The following TRAPPC9 variants were observed in gnomAD, a reference collection of about 807,000 sequenced individuals.
TRAPPC9 encodes the protein trafficking protein particle complex subunit 9, also known as IKK2 binding protein.
In TRAPPC9, 83 loss-of-function variants were observed where a neutral mutation model predicts 124.0. That is an observed-to-expected ratio of 0.67 (90% confidence interval 0.56 to 0.80). The LOEUF is 0.80. TRAPPC9 is among the 30% of genes least tolerant of loss of function. The pLI is 0.00. For missense variants in TRAPPC9, 1,302 were observed against 1,508.3 expected (o/e 0.86, Z 2.27); for synonymous variants, 638 against 617.5 (o/e 1.03, Z -0.49).
chr8:139,925,329 T>C lies in TRAPPC9; in HGVS notation c.2811-15029A>G, dbSNP rs547182461. 3.4e-3 allele frequency among the ~76,000 whole-genome samples: 521 copies of C among 152,058 alleles called. 1 individual carries two copies. The highest frequency in any genetic ancestry group is 0.011 in the African/African-American group (470 of 41,472). ...GGTGGAGTCTTTGTAGGCTGCAGAG[T>C]TGCATATGGAGGTGGGGGAATCTTA... is the stretch of plus-strand genomic sequence containing the variant. On this transcript the variant is annotated intron_variant, in intron 19 of 22. Coordinates refer to ENST00000438773, the MANE Select transcript of TRAPPC9 (RefSeq NM_001160372.4).
chr8:139,760,340 G>A (rs926339943), intron 21 of TRAPPC9, among the ~76,000 whole-genome samples: 2 of 152,124 alleles, frequency 1.3e-5, no homozygotes, highest in African/African-American at 4.8e-5. Context: ...GCCCACCCTG[G>A]GGAGTGGGAA....
intron 21 of TRAPPC9, among the ~76,000 whole-genome samples, chr8:139,844,335 G>A (rs1472183739): frequency 1.3e-5 from 2 of 152,220 alleles, no homozygotes; most frequent in African/African-American, 4.8e-5. Context: ...GGCAGGAGAA[G>A]GGGGTCAAAC....
intron 16 of TRAPPC9, among the ~76,000 whole-genome samples, chr8:140,233,444 T>C (rs1325096053): frequency 2.0e-5 from 3 of 151,990 alleles, no homozygotes; most frequent in Admixed American, 1.3e-4. Flanking sequence ...GACCTCGTGA[T>C]CCACCCGCCT....
In TRAPPC9 at chr8:139,958,478, G is replaced by A. The variant is rs566039158; in HGVS notation, c.2810+30248C>T. 9.3e-4 allele frequency among the ~76,000 whole-genome samples: 141 copies of A among 152,278 alleles called. 1 individual carries two copies. Among genetic ancestry groups the A allele is most frequent in the Non-Finnish European group, 1.6e-3 (112 of 68,030 alleles). On this transcript the variant is annotated intron_variant, in intron 19 of 22. Coordinates refer to ENST00000438773, the MANE Select transcript of TRAPPC9 (RefSeq NM_001160372.4). ...CCCGGCTCTGCATGATGGCATTTGC[G>A]TCTGTGCCTGCTCTGCAGGCTTACA...
intron 21 of TRAPPC9, among the ~76,000 whole-genome samples, chr8:139,824,695 G>C (rs2130809663): frequency 6.6e-6 from 1 of 152,216 alleles, no homozygotes; most frequent in East Asian, 1.9e-4. Context: ...GGAGTAGCTG[G>C]GACTATAGGC....
chr8:140,242,136 CAGAGAGAG>C (rs36214777), intron 16 of TRAPPC9, among the ~76,000 whole-genome samples: 31,838 of 146,180 alleles, frequency 0.22, 4,604 homozygotes, highest in East Asian at 0.77. Flanking sequence ...AAGAGGCAGA[CAGAGAGAG>C]AGAGAGAGAG....
chr8:140,040,733 T>C (rs1841220038), intron 17 of TRAPPC9: 2 of 152,244 alleles, frequency 1.3e-5, no homozygotes, highest in African/African-American at 4.8e-5. Flanking sequence ...CATTCAGGGA[T>C]ATGACCTAGT....
At chr8:140,211,657 T>C (rs954797005) in intron 17 of TRAPPC9, among the ~76,000 whole-genome samples, 5 of 152,252 alleles carry the variant, frequency 3.3e-5, no homozygotes, top group Non-Finnish European at 7.3e-5. Context: ...CGTATCTGAA[T>C]GTTGTTAGAA....
rs60877708 is a variant in TRAPPC9, at chr8:140,363,827, A to G, written c.1352-3634T>C. Among the ~76,000 whole-genome samples the G allele has an allele frequency of 4.4e-3, 673 of 152,054 alleles. 5 individuals are homozygous for G. The highest frequency in any genetic ancestry group is 0.015 in the African/African-American group (627 of 41,456). ...TGGCCAGGCTGGTCTCGAACTCCTGACCTCAGGTGACCCACCTGCCTCAGC... is the reference window on the plus strand; with the variant it reads ...TGGCCAGGCTGGTCTCGAACTCCTGGCCTCAGGTGACCCACCTGCCTCAGC... On this transcript the variant is annotated intron_variant, in intron 8 of 22. Coordinates refer to ENST00000438773, the MANE Select transcript of TRAPPC9 (RefSeq NM_001160372.4).
At chr8:139,928,491 CA>C (rs112802756) in intron 19 of TRAPPC9, among the ~76,000 whole-genome samples, 60 of 140,808 alleles carry the variant, frequency 4.3e-4, no homozygotes, top group Admixed American at 3.6e-4. Flanking sequence ...GACTCCATCT[CA>C]AAAAAAAAAA....
chr8:139,857,197 G>A lies in TRAPPC9; in HGVS notation c.3055+28682C>T, dbSNP rs181009831. On this transcript the variant is annotated intron_variant, in intron 21 of 22. Transcript: ENST00000438773. ...GATCAGCACAGCAGAGGAGGGAGCG[G>A]TGGAGCGCCAGGAGGTGAGGCCAGA... Among the ~76,000 whole-genome samples the A allele has an allele frequency of 9.8e-5, 15 of 152,330 alleles. No individual in the cohort carries two copies. In the East Asian group the frequency reaches 2.7e-3, roughly 27 times the overall value.
At chr8:140,358,622 G>T (rs1163309240) in intron 9 of TRAPPC9, among the ~76,000 whole-genome samples, 1 of 152,370 alleles carries the variant, frequency 6.6e-6, no homozygotes, top group Admixed American at 6.5e-5. Context: ...TGGGTGGAGG[G>T]CTGGAGAGAA....
At position 140,123,295 on chromosome 8, in the gene TRAPPC9, A is replaced by G. The variant is rs561637661; in HGVS notation, c.2556+98164T>C. 2.0e-5 allele frequency among the ~76,000 whole-genome samples: 3 copies of G among 152,302 alleles called. No individual in the cohort carries two copies. The South Asian group carries it at 6.2e-4, about 32-fold the overall frequency. On this transcript the variant is annotated intron_variant, in intron 17 of 22. Transcript: ENST00000438773. ...CCGGACCTCCCACTGCCACGCTTGCATCTTGCACACATTCTCCCAAGTGGA... is the reference window on the plus strand; with the variant it reads ...CCGGACCTCCCACTGCCACGCTTGCGTCTTGCACACATTCTCCCAAGTGGA...
intron 11 of TRAPPC9, among the ~76,000 whole-genome samples, chr8:140,297,198 T>A (rs1490523145): frequency 6.6e-6 from 1 of 152,320 alleles, no homozygotes; most frequent in Middle Eastern, 3.4e-3. Flanking sequence ...GCGCCTACAC[T>A]TCCTGTCACC....
chr8:140,264,830 C>A (rs1025674192), intron 15 of TRAPPC9, among the ~76,000 whole-genome samples: 1 of 152,150 alleles, frequency 6.6e-6, no homozygotes, highest in Non-Finnish European at 1.5e-5. Context: ...CTACCCCACC[C>A]ACCCTGTGCT....
At chr8:139,782,485 T>A (rs1286809046) in intron 21 of TRAPPC9, among the ~76,000 whole-genome samples, 1 of 152,244 alleles carries the variant, frequency 6.6e-6, no homozygotes, top group Admixed American at 6.5e-5. Context: ...TGCCATTTCA[T>A]AAGTATAAAG....
intron 17 of TRAPPC9, among the ~76,000 whole-genome samples, chr8:140,035,585 C>T (rs1438836237): frequency 6.6e-6 from 1 of 152,192 alleles, no homozygotes; most frequent in African/African-American, 2.4e-5. Context: ...CTCAGGACTT[C>T]CCCATCCTAT....
At chr8:139,784,449 C>T (rs1822041723) in intron 21 of TRAPPC9, among the ~76,000 whole-genome samples, 1 of 151,806 alleles carries the variant, frequency 6.6e-6, no homozygotes, top group Non-Finnish European at 1.5e-5. Context: ...TGGCGGGCAC[C>T]TGTAATCCCG....
At chr8:139,873,620 C>CAAAT (rs893262404) in intron 21 of TRAPPC9, among the ~76,000 whole-genome samples, 24 of 152,152 alleles carry the variant, frequency 1.6e-4, no homozygotes, top group African/African-American at 5.1e-4. Flanking sequence ...AGAGGACAGA[C>CAAAT]AAATGGCCAA....
Sources: gnomAD v4.1 joint callset for allele counts (sites outside exome capture counted in the v4.1 genomes callset) on GRCh38, gnomAD v4.1.1 for gene constraint, MANE v1.5 for transcripts, NCBI Gene and HGNC (gene_info 2026-07-23, HGNC 2026-07-21) for gene names.